Variants in GLIS3 observed in about 807,000 individuals in gnomAD.
GLIS3 encodes the protein zinc finger protein GLIS3.
GLIS3 carries 53 observed loss-of-function variants against 78.6 expected under a neutral mutation model. The ratio of observed to expected loss-of-function variants is 0.67; its 90% CI spans 0.54 to 0.85. The LOEUF (loss-of-function observed/expected upper bound fraction) is 0.85, where lower values mean the gene tolerates loss of function less well. Among genes scored for constraint, GLIS3 ranks in the 40% least tolerant of loss-of-function variants. The probability of loss-of-function intolerance (pLI) is 0.00; values close to 1 mark genes in which losing one functional copy is unlikely to be tolerated. For missense variants in GLIS3, 1,703 were observed against 1,231.1 expected, an observed-to-expected ratio of 1.38 and a Z score of -5.74; for synonymous variants, 684 against 509.9, an observed-to-expected ratio of 1.34 and a Z score of -4.60.
the GLIS3 span, among the ~76,000 whole-genome samples, chr9:4,449,071 G>A: frequency 0.012 from 1,776 of 152,300 alleles, 15 homozygotes; most frequent in Non-Finnish European, 0.019. Context: ...CTAGCCAAGG[G>A]AAGCTGTGAC....
chr9:4,319,333 G>C lies in GLIS3; in HGVS notation n.265-8805C>G, dbSNP rs143551854. On this transcript the variant is annotated intron_variant and non_coding_transcript_variant, in intron 2 of 4. Coordinates refer to the GLIS3 transcript ENST00000471664. ...TAGCTCCCTCTCAAATGATCCAGAT[G>C]GGGGAGCAGGAAGAAACAGAACTCA... is the stretch of plus-strand genomic sequence containing the variant. Among the ~76,000 whole-genome samples the C allele has an allele frequency of 7.8e-3, 1,184 of 152,226 alleles. 22 individuals are homozygous for C. Among genetic ancestry groups the C allele is most frequent in the African/African-American group, 0.027 (1,123 of 41,526 alleles).
chr9:3,852,466 T>A (rs1442241310), intron 9 of GLIS3, among the ~76,000 whole-genome samples: 4 of 152,168 alleles, frequency 2.6e-5, no homozygotes, highest in Admixed American at 1.3e-4. Context: ...GTGTTCCCTG[T>A]TACCAAGATG....
At chr9:4,186,217 C>T (rs1465801697) in intron 2 of GLIS3, among the ~76,000 whole-genome samples, 2 of 142,832 alleles carry the variant, frequency 1.4e-5, no homozygotes, top group African/African-American at 5.2e-5. Flanking sequence ...TCTCATTGTT[C>T]AATTCTCACC....
the GLIS3 span, among the ~76,000 whole-genome samples, chr9:4,369,929 T>C: frequency 6.6e-6 from 1 of 152,136 alleles, no homozygotes; most frequent in South Asian, 2.1e-4. Flanking sequence ...AGGTGGCTCA[T>C]GCCCATAATC....
intron 2 of GLIS3, among the ~76,000 whole-genome samples, chr9:4,153,084 C>T (rs1434829646): frequency 6.6e-6 from 1 of 152,144 alleles, no homozygotes; most frequent in East Asian, 1.9e-4. Flanking sequence ...CAGTAGCACC[C>T]CTCGTGGTGA....
intron 4 of GLIS3, among the ~76,000 whole-genome samples, chr9:3,946,990 C>T (rs755523649): frequency 7.0e-6 from 1 of 143,276 alleles, no homozygotes; most frequent in Non-Finnish European, 1.6e-5. Context: ...ACGCCTCTGT[C>T]GGCCATCCTA....
upstream of GLIS3, among the ~76,000 whole-genome samples, chr9:4,349,713 A>G (rs920030527): frequency 6.8e-6 from 1 of 146,576 alleles, no homozygotes; most frequent in Non-Finnish European, 1.5e-5. Context: ...AATGATGAAT[A>G]AAAGACAGAA....
At chr9:4,257,366 T>C (rs1410739695) in intron 2 of GLIS3, among the ~76,000 whole-genome samples, 1 of 152,072 alleles carries the variant, frequency 6.6e-6, no homozygotes, top group Non-Finnish European at 1.5e-5. Context: ...GGCACAAAGG[T>C]GCAGTTATGT....
chr9:4,303,409 C>A (rs139863915), upstream of GLIS3, among the ~76,000 whole-genome samples: 78 of 152,150 alleles, frequency 5.1e-4, 1 homozygote, highest in East Asian at 0.01. Context: ...CTGAGTAGTA[C>A]AAATAGTGGA....
At chr9:4,327,300 C>T (rs998674533) in intron 2 of GLIS3, among the ~76,000 whole-genome samples, 1 of 151,890 alleles carries the variant, frequency 6.6e-6, no homozygotes, top group African/African-American at 2.4e-5. Flanking sequence ...GGGTGTAGGG[C>T]CATGTTGTAT....
the GLIS3 span, among the ~76,000 whole-genome samples, chr9:4,359,527 G>T: frequency 8.0e-3 from 1,220 of 152,238 alleles, 5 homozygotes; most frequent in Middle Eastern, 0.014. Context: ...CCTCTCATCT[G>T]CAGAGGAATA....
Position 3,964,388 on chromosome 9 carries a change from C to T in GLIS3, c.1711-27199G>A, listed in dbSNP as rs144995997. Among the ~76,000 whole-genome samples the T allele has an allele frequency of 1.8e-4, 28 of 152,288 alleles. No individual in the cohort carries two copies. In the East Asian group the frequency reaches 5.0e-3, roughly 27 times the overall value. On this transcript the variant is annotated intron_variant, in intron 4 of 10. Coordinates refer to ENST00000381971, the MANE Select transcript of GLIS3 (RefSeq NM_001042413.2). ...ACTTGCATTAATTACATTCTCTTTG[C>T]ACTGTATTTAACAAAAGGTCAAGAC...
At chr9:4,245,200 G>C (rs538085030) in intron 2 of GLIS3, among the ~76,000 whole-genome samples, 38 of 152,322 alleles carry the variant, frequency 2.5e-4, no homozygotes, top group African/African-American at 8.9e-4. Context: ...TGTTGGTTTA[G>C]AGGGATTCTA....
rs576765704 is a variant in GLIS3 at position 4,247,191 on chromosome 9, C to T, written c.388+38847G>A. ...TCAAGTCTCCACAAAGTTTACATTTCACAACTACTTGAATTCTCTTAATAG... is the reference window on the plus strand; with the variant it reads ...TCAAGTCTCCACAAAGTTTACATTTTACAACTACTTGAATTCTCTTAATAG... On this transcript the variant is annotated intron_variant, in intron 2 of 10. Transcript: ENST00000381971. 2.0e-5 allele frequency among the ~76,000 whole-genome samples: 3 copies of T among 152,316 alleles called. No individual in the cohort carries two copies. The East Asian group carries it at 5.8e-4, about 29-fold the overall frequency.
At chr9:3,999,899 A>G (rs1821010572) in intron 4 of GLIS3, among the ~76,000 whole-genome samples, 1 of 152,172 alleles carries the variant, frequency 6.6e-6, no homozygotes. Flanking sequence ...GTGTGGGGAT[A>G]GAAAAATAGA....
chr9:4,045,725 G>C (rs1357292057), intron 4 of GLIS3, among the ~76,000 whole-genome samples: 1 of 152,078 alleles, frequency 6.6e-6, no homozygotes, highest in Non-Finnish European at 1.5e-5. Flanking sequence ...AATCAGACAA[G>C]AGGCTGAAGG....
chr9:4,274,785 T>C (rs1563878279), intron 2 of GLIS3, among the ~76,000 whole-genome samples: 1 of 152,162 alleles, frequency 6.6e-6, no homozygotes, highest in Admixed American at 6.5e-5. Context: ...TGCACATGAA[T>C]CACCTGGGAA....
intron 2 of GLIS3, among the ~76,000 whole-genome samples, chr9:4,226,075 T>C (rs1417866358): frequency 6.6e-6 from 1 of 152,172 alleles, no homozygotes; most frequent in Non-Finnish European, 1.5e-5. Context: ...AATCTGAATA[T>C]TTTCCTTTAA....
chr9:4,278,936 C>T (rs1396422911), intron 2 of GLIS3, among the ~76,000 whole-genome samples: 1 of 152,128 alleles, frequency 6.6e-6, no homozygotes, highest in Admixed American at 6.5e-5. Flanking sequence ...AATATTTAAC[C>T]TGAATCCAAT....
Sources: allele counts gnomAD v4.1 joint callset (sites outside exome capture counted in the v4.1 genomes callset), GRCh38; gene constraint gnomAD v4.1.1; transcripts MANE v1.5; gene names NCBI Gene and HGNC (gene_info 2026-07-23, HGNC 2026-07-21).